The following MEOX2 variants were observed in gnomAD, a reference collection of about 807,000 sequenced individuals.
The protein encoded by MEOX2 is homeobox protein MOX-2.
In MEOX2, 11 loss-of-function variants were observed where a neutral mutation model predicts 27.0. The observed-to-expected ratio is 0.41, with a 90% CI of 0.26 to 0.68. The LOEUF (loss-of-function observed/expected upper bound fraction) is 0.68, where lower values mean the gene tolerates loss of function less well. MEOX2 is among the 30% of genes least tolerant of loss of function. The pLI, the probability that MEOX2 is intolerant of heterozygous loss-of-function variation, is 0.33. For missense variants in MEOX2, 436 were observed against 385.4 expected (o/e 1.13, Z -1.10); for synonymous variants, 189 against 155.4 (o/e 1.22, Z -1.61).
chr7:15,647,305 A>G (rs182544736), intron 1 of MEOX2, among the ~76,000 whole-genome samples: 1 of 152,212 alleles, frequency 6.6e-6, no homozygotes, highest in Admixed American at 6.5e-5. Flanking sequence ...CAATAATCCA[A>G]GTTTGCCTCA....
intron 2 of MEOX2, among the ~76,000 whole-genome samples, chr7:15,624,131 C>A (rs1781260936): frequency 6.6e-6 from 1 of 152,170 alleles, no homozygotes; most frequent in South Asian, 2.1e-4. Context: ...CAATTCTAAT[C>A]AGCAAACCTT....
chr7:15,653,412 C>T (rs1277721618), intron 1 of MEOX2, among the ~76,000 whole-genome samples: 5 of 151,724 alleles, frequency 3.3e-5, no homozygotes, highest in Non-Finnish European at 7.4e-5. Context: ...GTAACATGTT[C>T]CCCCATTGTG....
chr7:15,657,304 G>A lies in MEOX2; in HGVS notation c.517+28582C>T, dbSNP rs1381739041. ...CAGTTTCACCCTCTTTCTCCTCCCCGTCAGGAATTCCAATTACACAAATAT... is the reference window on the plus strand; with the variant it reads ...CAGTTTCACCCTCTTTCTCCTCCCCATCAGGAATTCCAATTACACAAATAT... On this transcript the variant is annotated intron_variant, in intron 1 of 2. Coordinates refer to ENST00000262041, the MANE Select transcript of MEOX2 (RefSeq NM_005924.5). Among the ~76,000 whole-genome samples, 7 of 151,902 alleles carry A rather than the reference G, an allele frequency of 4.6e-5. No individual in the cohort carries two copies. In the South Asian group the frequency reaches 6.2e-4, roughly 14 times the overall value.
intron 1 of MEOX2, among the ~76,000 whole-genome samples, chr7:15,655,212 T>G (rs2389538): frequency 0.8 from 121,943 of 151,504 alleles, 49,586 homozygotes; most frequent in African/African-American, 0.91. Context: ...ATGTCTACAG[T>G]ATTTGTAGCA....
intron 2 of MEOX2, among the ~76,000 whole-genome samples, chr7:15,624,377 CT>C (rs1389108047): frequency 1.3e-5 from 2 of 152,154 alleles, no homozygotes; most frequent in African/African-American, 4.8e-5. Context: ...AATTTCCCCC[CT>C]GTGATGCTGT....
chr7:15,620,987 C>T (rs1781214854), intron 2 of MEOX2, among the ~76,000 whole-genome samples: 1 of 152,208 alleles, frequency 6.6e-6, no homozygotes, highest in African/African-American at 2.4e-5. Flanking sequence ...GCTCCTGCAG[C>T]TGCTTTCTCT....
At chr7:15,674,722 T>C (rs1235198257) in intron 1 of MEOX2, among the ~76,000 whole-genome samples, 6 of 152,120 alleles carry the variant, frequency 3.9e-5, no homozygotes, top group Non-Finnish European at 8.8e-5. Context: ...GAATGGTCAA[T>C]GTTAGACTGC....
chr7:15,671,382 A>AT (rs1782094282), intron 1 of MEOX2, among the ~76,000 whole-genome samples: 1 of 152,190 alleles, frequency 6.6e-6, no homozygotes, highest in African/African-American at 2.4e-5. Context: ...GATTTAACAG[A>AT]TTTTTTTAAA....
At chr7:15,648,381 C>A (rs897070224) in intron 1 of MEOX2, among the ~76,000 whole-genome samples, 1 of 151,902 alleles carries the variant, frequency 6.6e-6, no homozygotes, top group Non-Finnish European at 1.5e-5. Flanking sequence ...AATTTTATGC[C>A]GGTGCGGATG....
In MEOX2 at chr7:15,639,986, G is replaced by A. The variant is rs182840638; in HGVS notation, c.518-13068C>T. On this transcript the variant is annotated intron_variant, in intron 1 of 2. Coordinates refer to ENST00000262041, the MANE Select transcript of MEOX2 (RefSeq NM_005924.5). ...TGAGCTCTCTTTTTTGGTTCCATGTGGATTTTAGAATTGTTTTTCTAATTC... is the reference window on the plus strand; with the variant it reads ...TGAGCTCTCTTTTTTGGTTCCATGTAGATTTTAGAATTGTTTTTCTAATTC... Among the ~76,000 whole-genome samples the A allele has an allele frequency of 2.3e-3, 342 of 151,990 alleles. 4 individuals are homozygous for A. Among genetic ancestry groups the A allele is most frequent in the Admixed American group, 6.4e-3 (97 of 15,238 alleles).
At chr7:15,662,537 C>A (rs1283704058) in intron 1 of MEOX2, among the ~76,000 whole-genome samples, 2 of 151,918 alleles carry the variant, frequency 1.3e-5, no homozygotes, top group African/African-American at 4.8e-5. Flanking sequence ...GACAAAAGGA[C>A]TGGGAAAATT....
At chr7:15,679,466 A>G (rs1782258498) in intron 1 of MEOX2, 1 of 152,156 alleles carries the variant, frequency 6.6e-6, no homozygotes, top group Admixed American at 6.6e-5. Flanking sequence ...TATGAACACA[A>G]ACAGCAGAAT....
intron 1 of MEOX2, among the ~76,000 whole-genome samples, chr7:15,660,117 G>T (rs193016351): frequency 6.6e-6 from 1 of 152,276 alleles, no homozygotes; most frequent in East Asian, 1.9e-4. Flanking sequence ...TCCTGAACTA[G>T]ATCTTAAAGA....
Position 15,614,757 on chromosome 7 carries a change from T to C in MEOX2, c.691-2146A>G, listed in dbSNP as rs550907628. ...ATAGTTCTGTTTCATTCTTCTACGT[T>C]AGAAATATTTTGAATATTCTCTATT... On this transcript the variant is annotated intron_variant, in intron 2 of 2. Coordinates refer to ENST00000262041, the MANE Select transcript of MEOX2 (RefSeq NM_005924.5). Among the ~76,000 whole-genome samples the C allele has an allele frequency of 5.3e-5, 8 of 152,266 alleles. No homozygotes were observed. In the East Asian group the frequency reaches 9.6e-4, roughly 18 times the overall value.
At chr7:15,625,329 G>A (rs1425873984) in intron 2 of MEOX2, among the ~76,000 whole-genome samples, 27 of 152,150 alleles carry the variant, frequency 1.8e-4, no homozygotes, top group Admixed American at 1.8e-3. Flanking sequence ...TGAACCCATA[G>A]AGGGAATTTT....
At chr7:15,644,037 A>G (rs139316145) in intron 1 of MEOX2, among the ~76,000 whole-genome samples, 1 of 152,184 alleles carries the variant, frequency 6.6e-6, no homozygotes, top group Non-Finnish European at 1.5e-5. Flanking sequence ...TATGTGTTTA[A>G]GATGCATCTT....
At chr7:15,642,071 C>A (rs528337403) in intron 1 of MEOX2, among the ~76,000 whole-genome samples, 115 of 152,206 alleles carry the variant, frequency 7.6e-4, no homozygotes, top group Non-Finnish European at 1.4e-3. Context: ...ATTGGATAGC[C>A]TGAAGACTAT....
chr7:15,683,008 G>T (rs1346972652), intron 1 of MEOX2, among the ~76,000 whole-genome samples: 2 of 151,922 alleles, frequency 1.3e-5, no homozygotes, highest in Non-Finnish European at 2.9e-5. Flanking sequence ...ATAAATATTT[G>T]CTTCCAAAAC....
intron 1 of MEOX2, among the ~76,000 whole-genome samples, chr7:15,633,543 C>T (rs960954483): frequency 6.6e-6 from 1 of 151,814 alleles, no homozygotes; most frequent in Non-Finnish European, 1.5e-5. Context: ...CCAATTCTGC[C>T]GGTAGTGCAG....
Sources: gnomAD v4.1 joint callset for allele counts (sites outside exome capture counted in the v4.1 genomes callset) on GRCh38, gnomAD v4.1.1 for gene constraint, MANE v1.5 for transcripts, NCBI Gene and HGNC (gene_info 2026-07-23, HGNC 2026-07-21) for gene names.